The following TBC1D5 variants were observed in gnomAD, a reference collection of about 807,000 sequenced individuals.
TBC1D5 encodes TBC1 domain family member 5, also known as TBC1 domain family, member 5.
Under a neutral mutation model 100.3 loss-of-function variants are expected in TBC1D5, and 75 were observed. That is an observed-to-expected ratio of 0.75 (90% CI 0.62 to 0.91). The LOEUF is 0.91. Ranked by LOEUF, TBC1D5 falls within the 40% of genes least tolerant of loss-of-function variation. The pLI, the probability that TBC1D5 is intolerant of heterozygous loss-of-function variation, is 0.00. For missense variants in TBC1D5, 910 were observed against 942.4 expected, an observed-to-expected ratio of 0.97 and a Z score of 0.45; for synonymous variants, 323 against 325.6, an observed-to-expected ratio of 0.99 and a Z score of 0.09.
intron 18 of TBC1D5, among the ~76,000 whole-genome samples, chr3:17,186,507 G>A (rs1024429635): frequency 7.3e-5 from 11 of 151,604 alleles, no homozygotes; most frequent in African/African-American, 2.2e-4. Flanking sequence ...TCAGGAGTTC[G>A]AGACCAGCCT....
chr3:17,612,535 C>T, intron 2 of TBC1D5, among the ~76,000 whole-genome samples: 1 of 151,852 alleles, frequency 6.6e-6, no homozygotes, highest in Admixed American at 6.6e-5. Context: ...GAGGCTGAGG[C>T]AGGAGAATAC....
chr3:17,388,863 G>A (rs960193692), intron 8 of TBC1D5, among the ~76,000 whole-genome samples: 6 of 151,504 alleles, frequency 4.0e-5, no homozygotes, highest in South Asian at 2.1e-4. Flanking sequence ...ACCCTGTCTC[G>A]AACAAAACAA....
At chr3:17,526,270 T>C (rs1483155994) in intron 2 of TBC1D5, among the ~76,000 whole-genome samples, 2 of 152,192 alleles carry the variant, frequency 1.3e-5, no homozygotes, top group African/African-American at 4.8e-5. Flanking sequence ...TACACTGGAA[T>C]GCAGCGGTGC....
chr3:17,199,334 T>C (rs1249412476), intron 18 of TBC1D5, among the ~76,000 whole-genome samples: 1 of 152,218 alleles, frequency 6.6e-6, no homozygotes, highest in Non-Finnish European at 1.5e-5. Flanking sequence ...CCAGCTAAAA[T>C]GATATTATAG....
At chr3:17,637,136 C>T (rs2064022217) in intron 1 of TBC1D5, among the ~76,000 whole-genome samples, 2 of 149,938 alleles carry the variant, frequency 1.3e-5, no homozygotes, top group African/African-American at 2.4e-5. Flanking sequence ...ATTCTCCTGC[C>T]TCAGCCTCAG....
At chr3:17,402,837 A>G (rs1233226546) in intron 8 of TBC1D5, among the ~76,000 whole-genome samples, 1 of 152,172 alleles carries the variant, frequency 6.6e-6, no homozygotes, top group Non-Finnish European at 1.5e-5. Context: ...AAGGGATTCA[A>G]ATGCATAAAG....
At chr3:17,276,302 A>T (rs1042427676) in intron 15 of TBC1D5, among the ~76,000 whole-genome samples, 2 of 152,154 alleles carry the variant, frequency 1.3e-5, no homozygotes, top group Non-Finnish European at 2.9e-5. Context: ...ATCACTTCAC[A>T]AAGGCCCCAC....
chr3:17,697,083 T>C (rs1022041432), intron 1 of TBC1D5, among the ~76,000 whole-genome samples: 3 of 152,232 alleles, frequency 2.0e-5, no homozygotes, highest in Admixed American at 1.3e-4. Context: ...CTCAATAAAC[T>C]AGGTATTGAT....
intron 1 of TBC1D5, among the ~76,000 whole-genome samples, chr3:17,710,316 T>C (rs2074586993): frequency 6.6e-6 from 1 of 152,070 alleles, no homozygotes. Context: ...TGTAATCCCA[T>C]CATTTTGGTT....
At chr3:17,418,316 T>C (rs958892067) in intron 4 of TBC1D5, among the ~76,000 whole-genome samples, 6 of 152,148 alleles carry the variant, frequency 3.9e-5, no homozygotes, top group Non-Finnish European at 7.3e-5. Flanking sequence ...GATTCAAATA[T>C]ATCAAACATC....
intron 2 of TBC1D5, among the ~76,000 whole-genome samples, chr3:17,514,081 A>T (rs1157496644): frequency 1.3e-5 from 2 of 152,218 alleles, no homozygotes; most frequent in South Asian, 4.1e-4. Flanking sequence ...AAAGACAAAG[A>T]GTAAAGTTTT....
At chr3:17,502,457 G>A (rs530620070) in intron 3 of TBC1D5, among the ~76,000 whole-genome samples, 3 of 148,920 alleles carry the variant, frequency 2.0e-5, no homozygotes, top group South Asian at 2.1e-4. Context: ...TCTCCTCTGC[G>A]GGATCCTCTT....
At chr3:17,338,160 A>T (rs971437650) in intron 13 of TBC1D5, among the ~76,000 whole-genome samples, 4 of 152,234 alleles carry the variant, frequency 2.6e-5, no homozygotes, top group African/African-American at 9.6e-5. Context: ...GGAATCCTAA[A>T]GTTTTAATAA....
chr3:17,515,330 T>C (rs1302121640), intron 2 of TBC1D5, among the ~76,000 whole-genome samples: 1 of 152,138 alleles, frequency 6.6e-6, no homozygotes. Flanking sequence ...TTTTATTAAG[T>C]AGTAGGGCTG....
At chr3:17,166,452 A>C (rs941487893) in intron 21 of TBC1D5, among the ~76,000 whole-genome samples, 8 of 152,248 alleles carry the variant, frequency 5.3e-5, no homozygotes, top group African/African-American at 1.9e-4. Context: ...CTGACTGATA[A>C]CTAAGACAGA....
chr3:17,226,270 A>G (rs1450912679), intron 17 of TBC1D5, among the ~76,000 whole-genome samples: 6 of 149,286 alleles, frequency 4.0e-5, no homozygotes, highest in Admixed American at 4.0e-4. Context: ...CAAGCTTGTA[A>G]CCCATAAGCT....
intron 1 of TBC1D5, among the ~76,000 whole-genome samples, chr3:17,695,534 A>G (rs2071905644): frequency 2.0e-5 from 3 of 152,258 alleles, no homozygotes; most frequent in Admixed American, 2.0e-4. Flanking sequence ...GATCAATTCA[A>G]CAAGAAAAGC....
intron 15 of TBC1D5, among the ~76,000 whole-genome samples, chr3:17,288,412 CAAGTCCCGGGGT>C (rs1424126433): frequency 1.3e-5 from 2 of 152,162 alleles, no homozygotes; most frequent in Non-Finnish European, 2.9e-5. Flanking sequence ...AGCCTAGCTA[CAAGTCCCGGGGT>C]AAATCCATGG....
intron 2 of TBC1D5, among the ~76,000 whole-genome samples, chr3:17,527,327 C>T (rs982321167): frequency 5.9e-5 from 9 of 152,076 alleles, no homozygotes; most frequent in Non-Finnish European, 4.4e-5. Context: ...ATGCTGCGAA[C>T]AGCAAATGCA....
Sources: allele counts gnomAD v4.1 joint callset (sites outside exome capture counted in the v4.1 genomes callset), GRCh38; gene constraint gnomAD v4.1.1; transcripts MANE v1.5; gene names NCBI Gene and HGNC (gene_info 2026-07-23, HGNC 2026-07-21).